Variants in PSMF1 observed in about 807,000 individuals in gnomAD.
PSMF1 encodes the protein proteasome inhibitor PI31 subunit.
PSMF1 carries 30 observed loss-of-function variants against 29.3 expected under a neutral mutation model. The ratio of observed to expected loss-of-function variants is 1.02; its 90% CI spans 0.77 to 1.39. The LOEUF (loss-of-function observed/expected upper bound fraction) is 1.39, where lower values mean the gene tolerates loss of function less well. PSMF1 is among the 40% of genes most tolerant of loss of function. The pLI, the probability that PSMF1 is intolerant of heterozygous loss-of-function variation, is 0.00. For missense variants in PSMF1, 344 were observed against 357.5 expected, an observed-to-expected ratio of 0.96 and a Z score of 0.31; for synonymous variants, 134 against 139.7, an observed-to-expected ratio of 0.96 and a Z score of 0.29.
intron 4 of PSMF1, among the ~76,000 whole-genome samples, chr20:1,146,289 G>T (rs1285066637): frequency 6.6e-6 from 1 of 151,182 alleles, no homozygotes; most frequent in Non-Finnish European, 1.5e-5. Context: ...CTACGTAACA[G>T]ATTTTTTTTT....
In PSMF1 at chr20:1,166,452, T is replaced by A; in HGVS notation, c.*1372T>A. 1 of 634,556 alleles carries A rather than the reference T, an allele frequency of 1.6e-6. No homozygotes were observed. Among genetic ancestry groups the A allele is most frequent in the Non-Finnish European group, 2.8e-6 (1 of 358,984 alleles). 39.3% of individuals were successfully genotyped at this position (634,556 alleles called of 1,614,324 possible). A position where few individuals can be genotyped will look rare whatever the true frequency, so the allele number is the denominator to read the frequency against. ...GGTAAGCAAGCTACTGTAGCTCTTC[T>A]GAGGTATCTGCCAGGCTGTTTTCTG... On this transcript the variant is annotated 3_prime_UTR_variant, in exon 7 of 7. Coordinates refer to ENST00000335877, the MANE Select transcript of PSMF1 (RefSeq NM_006814.5).
Position 1,169,759 on chromosome 20 carries a change from T to A in PSMF1, c.*4679T>A, listed in dbSNP as rs2086771229. Among the ~76,000 whole-genome samples, 1 of 152,138 alleles carries A rather than the reference T, an allele frequency of 6.6e-6. No individual in the cohort carries two copies. Reference sequence around the variant, plus strand: ...CAGCTAGCTCATCCAAGTTCAAGGCTCAATTGAATGCGTCTGGTTGTTGGA... The same window carrying A: ...CAGCTAGCTCATCCAAGTTCAAGGCACAATTGAATGCGTCTGGTTGTTGGA... On this transcript the variant is annotated 3_prime_UTR_variant, in exon 7 of 7. Transcript: ENST00000335877.
At chr20:1,135,691 T>C (rs1568470395) in intron 4 of PSMF1, among the ~76,000 whole-genome samples, 1 of 152,174 alleles carries the variant, frequency 6.6e-6, no homozygotes, top group Non-Finnish European at 1.5e-5. Context: ...TCTGAGAAAA[T>C]GTAAACATGT....
intron 4 of PSMF1, chr20:1,160,981 G>T: frequency 2.5e-6 from 1 of 408,132 alleles, no homozygotes; most frequent in Non-Finnish European, 4.9e-6. Context: ...GGACATGTAC[G>T]TGGCAGTCCA....
At chr20:1,136,357 G>A (rs955603321) in intron 4 of PSMF1, among the ~76,000 whole-genome samples, 3 of 152,212 alleles carry the variant, frequency 2.0e-5, no homozygotes, top group Non-Finnish European at 4.4e-5. Flanking sequence ...GATGTAAACA[G>A]ATGTGATCTA....
chr20:1,134,935 A>G, intron 3 of PSMF1, 186 bp from the exon 4 acceptor site: 1 of 688,644 alleles, frequency 1.5e-6, no homozygotes, highest in South Asian at 1.5e-5. Context: ...AATCTCAGAG[A>G]CAGCGTGGGG....
intron 2 of PSMF1, 76 bp downstream of exon 2, chr20:1,125,726 C>T (rs187055587): frequency 5.9e-6 from 9 of 1,522,806 alleles, no homozygotes; most frequent in Middle Eastern, 1.8e-4. Flanking sequence ...TTTAACGGTA[C>T]GAATCCAGAG....
intron 4 of PSMF1, among the ~76,000 whole-genome samples, chr20:1,140,088 A>G (rs924460015): frequency 6.6e-6 from 1 of 152,206 alleles, no homozygotes; most frequent in South Asian, 2.1e-4. Flanking sequence ...TTTCCCCCCC[A>G]GAAATTGGCA....
At chr20:1,161,275 C>A in intron 4 of PSMF1, 1 of 321,388 alleles carries the variant, frequency 3.1e-6, no homozygotes, top group South Asian at 5.1e-5. Flanking sequence ...TCATCCTTCT[C>A]CCTGGAGAAA....
intron 1 of PSMF1, among the ~76,000 whole-genome samples, chr20:1,119,787 T>A (rs752470145): frequency 3.9e-5 from 6 of 152,180 alleles, no homozygotes; most frequent in Non-Finnish European, 8.8e-5. Context: ...AGACATCTGC[T>A]TCCTGGGAGA....
chr20:1,130,347 G>T (rs1423567948), intron 3 of PSMF1, among the ~76,000 whole-genome samples: 1 of 152,198 alleles, frequency 6.6e-6, no homozygotes, highest in Non-Finnish European at 1.5e-5. Flanking sequence ...ACAGTTAAAA[G>T]TCTTTAGGGA....
chr20:1,157,620 C>G (rs149727056), intron 4 of PSMF1, among the ~76,000 whole-genome samples: 4,822 of 152,210 alleles, frequency 0.032, 115 homozygotes, highest in Middle Eastern at 0.068. Flanking sequence ...ATGTTTTTAA[C>G]AAAAGGAGGA....
At chr20:1,126,202 A>G (rs1448772351) in intron 2 of PSMF1, among the ~76,000 whole-genome samples, 1 of 152,174 alleles carries the variant, frequency 6.6e-6, no homozygotes, top group East Asian at 1.9e-4. Flanking sequence ...CCTGACACTC[A>G]TTGCAGCTTG....
In PSMF1 at chr20:1,147,980, C is replaced by T. The variant is rs2086476768; in HGVS notation, c.551+12674C>T. Among the ~76,000 whole-genome samples the T allele has an allele frequency of 2.6e-5, 4 of 152,346 alleles. No individual in the cohort carries two copies. The South Asian group carries it at 8.3e-4, about 32-fold the overall frequency. Reference sequence around the variant, plus strand: ...TGGCTGGCGCTCGGAGCAGAAATATCAGCCTCTGCTCCTTCCCATAGGACA... The same window carrying T: ...TGGCTGGCGCTCGGAGCAGAAATATTAGCCTCTGCTCCTTCCCATAGGACA... On this transcript the variant is annotated intron_variant, in intron 4 of 6. Transcript: ENST00000335877.
At chr20:1,114,500 G>A (rs1205015267), upstream of PSMF1, among the ~76,000 whole-genome samples, 1 of 151,908 alleles carries the variant, frequency 6.6e-6, no homozygotes. Flanking sequence ...GCAAAGCAGT[G>A]TTGAACCAAG....
At chr20:1,155,309 A>G (rs1440600369) in intron 4 of PSMF1, among the ~76,000 whole-genome samples, 2 of 152,200 alleles carry the variant, frequency 1.3e-5, no homozygotes, top group East Asian at 1.9e-4. Flanking sequence ...TTCTCCATTC[A>G]TTTACATCCC....
chr20:1,135,577 G>A (rs2086296252), intron 4 of PSMF1, among the ~76,000 whole-genome samples: 1 of 152,194 alleles, frequency 6.6e-6, no homozygotes, highest in Admixed American at 6.5e-5. Flanking sequence ...CCAAGGATCA[G>A]TGCCTCTGGG....
chr20:1,140,613 T>C (rs2086369144), intron 4 of PSMF1, among the ~76,000 whole-genome samples: 1 of 152,130 alleles, frequency 6.6e-6, no homozygotes, highest in South Asian at 2.1e-4. Flanking sequence ...TCAAACTTTG[T>C]CAAAATTAAA....
chr20:1,151,441 G>A (rs1191698309), intron 4 of PSMF1, among the ~76,000 whole-genome samples: 1 of 152,216 alleles, frequency 6.6e-6, no homozygotes, highest in East Asian at 1.9e-4. Context: ...TAACAACCCT[G>A]TGAAATAGAT....
Sources: allele counts gnomAD v4.1 joint callset (sites outside exome capture counted in the v4.1 genomes callset), GRCh38; gene constraint gnomAD v4.1.1; transcripts MANE v1.5; gene names NCBI Gene and HGNC (gene_info 2026-07-23, HGNC 2026-07-21).